Variants in POT1 observed in about 807,000 individuals in gnomAD.
POT1 encodes the protein protection of telomeres 1.
POT1 carries 47 observed loss-of-function variants against 78.5 expected under a neutral mutation model. That is an observed-to-expected ratio of 0.60 (90% CI 0.47 to 0.76). POT1 has a LOEUF of 0.76. Among genes scored for constraint, POT1 ranks in the 30% least tolerant of loss-of-function variants. POT1 has a pLI of 0.00. For missense variants in POT1, 646 were observed against 749.9 expected (o/e 0.86, Z 1.62); for synonymous variants, 259 against 260.7 (o/e 0.99, Z 0.06).
chr7:124,902,761 G>A (rs1192451297), intron 3 of POT1, among the ~76,000 whole-genome samples: 1 of 152,132 alleles, frequency 6.6e-6, no homozygotes, highest in African/African-American at 2.4e-5. Context: ...ACCCCTCAGT[G>A]TGTTGTGTTC....
At position 124,873,309 on chromosome 7, in the gene POT1, T is replaced by C. The variant is rs142833970; in HGVS notation, c.125-2268A>G. Among the ~76,000 whole-genome samples the C allele has an allele frequency of 2.2e-3, 339 of 152,318 alleles. 4 individuals are homozygous for C. The highest frequency in any genetic ancestry group is 0.017 in the Admixed American group (261 of 15,294). On this transcript the variant is annotated intron_variant, in intron 6 of 18. Transcript: ENST00000357628. ...CTACATTGAATAGAGTGGGCATCTGTCTTGATACAGATCTTAGAGAAAAAG... is the reference window on the plus strand; with the variant it reads ...CTACATTGAATAGAGTGGGCATCTGCCTTGATACAGATCTTAGAGAAAAAG...
chr7:124,852,521 T>C (rs1022249552), intron 10 of POT1, among the ~76,000 whole-genome samples: 1 of 152,122 alleles, frequency 6.6e-6, no homozygotes, highest in Non-Finnish European at 1.5e-5. Flanking sequence ...TTCTGGCACA[T>C]GTAAAAATTT....
intron 6 of POT1, among the ~76,000 whole-genome samples, chr7:124,875,295 C>T (rs1795962562): frequency 6.6e-6 from 1 of 151,956 alleles, no homozygotes; most frequent in African/African-American, 2.4e-5. Flanking sequence ...GTAATTATTT[C>T]ATCACTATGC....
Position 124,895,105 on chromosome 7 carries a change from T to C in POT1, c.9+2060A>G, listed in dbSNP as rs1275759945. ...TAATCTAGAACAGTACTATCCAAGA[T>C]AATCTTCTATGATAATGAAAATATT... is the stretch of plus-strand genomic sequence containing the variant. On this transcript the variant is annotated intron_variant, in intron 5 of 18. Transcript: ENST00000357628. Among the ~76,000 whole-genome samples the C allele has an allele frequency of 2.6e-5, 4 of 151,650 alleles. No homozygotes were observed. The South Asian group carries it at 6.2e-4, about 24-fold the overall frequency.
At chr7:124,883,192 C>T (rs1445305593) in intron 6 of POT1, among the ~76,000 whole-genome samples, 2 of 152,054 alleles carry the variant, frequency 1.3e-5, no homozygotes, top group Non-Finnish European at 2.9e-5. Flanking sequence ...GATCCACCAA[C>T]TCCATTCATT....
intron 6 of POT1, among the ~76,000 whole-genome samples, chr7:124,884,130 T>C (rs992162682): frequency 6.6e-6 from 1 of 152,138 alleles, no homozygotes; most frequent in Non-Finnish European, 1.5e-5. Flanking sequence ...TTATGCTACA[T>C]GACACTACAT....
At chr7:124,926,401 C>A (rs1797274576) in intron 2 of POT1, among the ~76,000 whole-genome samples, 1 of 152,048 alleles carries the variant, frequency 6.6e-6, no homozygotes, top group African/African-American at 2.4e-5. Context: ...CACCTTACAC[C>A]AATCAGAATG....
intron 2 of POT1, among the ~76,000 whole-genome samples, chr7:124,923,355 T>G (rs1797197329): frequency 1.3e-5 from 2 of 151,460 alleles, no homozygotes; most frequent in South Asian, 4.1e-4. Context: ...AAACCATGAA[T>G]TAAAAAATTG....
chr7:124,842,452 T>A (rs1009065499), intron 13 of POT1, among the ~76,000 whole-genome samples: 1 of 151,976 alleles, frequency 6.6e-6, no homozygotes, highest in African/African-American at 2.4e-5. Context: ...TAATTAGATA[T>A]TTCAAGTAAT....
At chr7:124,904,177 T>C (rs1447008820) in intron 3 of POT1, among the ~76,000 whole-genome samples, 1 of 152,152 alleles carries the variant, frequency 6.6e-6, no homozygotes, top group Non-Finnish European at 1.5e-5. Context: ...GAGGTCAGCA[T>C]TATCCTTGTA....
At chr7:124,872,960 G>A (rs1301797949) in intron 6 of POT1, among the ~76,000 whole-genome samples, 1 of 152,118 alleles carries the variant, frequency 6.6e-6, no homozygotes, top group Non-Finnish European at 1.5e-5. Context: ...TCGCATACCT[G>A]TCTGCCATTT....
At chr7:124,826,283 A>C (rs113233510) in intron 17 of POT1, among the ~76,000 whole-genome samples, 1 of 152,178 alleles carries the variant, frequency 6.6e-6, no homozygotes, top group South Asian at 2.1e-4. Context: ...GAGGACAACT[A>C]TAAGTTCCAT....
chr7:124,876,438 A>G (rs149204315), intron 6 of POT1, among the ~76,000 whole-genome samples: 1 of 152,318 alleles, frequency 6.6e-6, no homozygotes, highest in African/African-American at 2.4e-5. Flanking sequence ...GCAAAAGGAA[A>G]AAGAATGACA....
intron 8 of POT1, among the ~76,000 whole-genome samples, chr7:124,859,711 G>T (rs1795537932): frequency 6.9e-6 from 1 of 145,598 alleles, no homozygotes; most frequent in Non-Finnish European, 1.5e-5. Context: ...AATGACGCCT[G>T]GTTATTTATA....
intron 6 of POT1, among the ~76,000 whole-genome samples, chr7:124,874,012 C>G (rs1795931664): frequency 6.6e-6 from 1 of 152,132 alleles, no homozygotes; most frequent in Non-Finnish European, 1.5e-5. Flanking sequence ...ACACACAGAA[C>G]AAGTGTTTCA....
chr7:124,829,111 T>C (rs1319984681), intron 16 of POT1, 143 bp downstream of exon 16: 2 of 774,968 alleles, frequency 2.6e-6, no homozygotes, highest in Admixed American at 1.8e-5. Context: ...TCTTTAAATT[T>C]ACAAAGTCTG....
At chr7:124,919,585 G>A (rs113315965) in intron 2 of POT1, among the ~76,000 whole-genome samples, 21 of 151,866 alleles carry the variant, frequency 1.4e-4, no homozygotes, top group African/African-American at 4.8e-4. Flanking sequence ...AAAGAAAATG[G>A]GACACACAGA....
At chr7:124,882,836 A>G (rs890497779) in intron 6 of POT1, among the ~76,000 whole-genome samples, 5 of 152,080 alleles carry the variant, frequency 3.3e-5, no homozygotes, top group African/African-American at 1.2e-4. Flanking sequence ...CTCGTCTCAT[A>G]GAAGTCAGAT....
At chr7:124,901,214 G>A (rs1336721751) in intron 3 of POT1, among the ~76,000 whole-genome samples, 1 of 152,190 alleles carries the variant, frequency 6.6e-6, no homozygotes, top group Non-Finnish European at 1.5e-5. Context: ...GTGGGTCCCT[G>A]ACCCCTGAGT....
Sources: gnomAD v4.1 joint callset for allele counts (sites outside exome capture counted in the v4.1 genomes callset) on GRCh38, gnomAD v4.1.1 for gene constraint, MANE v1.5 for transcripts, NCBI Gene and HGNC (gene_info 2026-07-23, HGNC 2026-07-21) for gene names.